SLC25A42: variants seen among roughly 807,000 people sequenced by gnomAD.
SLC25A42 encodes solute carrier family 25 member 42, also known as mitochondrial coenzyme A transporter SLC25A42.
Under a neutral mutation model 34.7 loss-of-function variants are expected in SLC25A42, and 19 were observed. That is an observed-to-expected ratio of 0.55 (90% CI 0.38 to 0.80). SLC25A42 has a LOEUF of 0.80. Among genes scored for constraint, SLC25A42 ranks in the 30% least tolerant of loss-of-function variants. The pLI, the probability that SLC25A42 is intolerant of heterozygous loss-of-function variation, is 0.00. For missense variants in SLC25A42, 364 were observed against 441.3 expected, an observed-to-expected ratio of 0.82 and a Z score of 1.57; for synonymous variants, 205 against 191.2, an observed-to-expected ratio of 1.07 and a Z score of -0.59.
At chr19:19,100,505 TCC>T in intron 2 of SLC25A42, among the ~76,000 whole-genome samples, 1 of 151,846 alleles carries the variant, frequency 6.6e-6, no homozygotes, top group East Asian at 1.9e-4. Flanking sequence ...TCCCCCAGGG[TCC>T]CCTGCTCCTT....
intron 1 of SLC25A42, among the ~76,000 whole-genome samples, chr19:19,067,536 T>A (rs1442464449): frequency 6.6e-6 from 1 of 152,066 alleles, no homozygotes; most frequent in Non-Finnish European, 1.5e-5. Context: ...TGAGCTATGA[T>A]TGCACCATTG....
chr19:19,082,716 A>G (rs905933932), intron 1 of SLC25A42, among the ~76,000 whole-genome samples: 2 of 151,870 alleles, frequency 1.3e-5, no homozygotes, highest in East Asian at 3.9e-4. Flanking sequence ...GCTGGGGTTC[A>G]GTGGTGTGAT....
In SLC25A42 at chr19:19,106,374, C is replaced by G; in HGVS notation, c.486C>G (p.Thr162=). The G allele has an allele frequency of 6.2e-7, 1 of 1,611,844 alleles. No homozygotes were observed. The highest frequency in any genetic ancestry group is 8.5e-7 in the Non-Finnish European group (1 of 1,178,536). The change falls in exon 6 of 8, where the codon ACC becomes ACG. Residue 162 remains threonine, a synonymous_variant. Transcript: ENST00000318596. ...LDLVRARMAV[T]PKEMYSNIFH... ...TGGTCAGAGCGCGGATGGCCGTAACCCCGAAGGAAATGTGAGTCCTTACAT... is the reference window on the plus strand; with the variant it reads ...TGGTCAGAGCGCGGATGGCCGTAACGCCGAAGGAAATGTGAGTCCTTACAT...
Position 19,110,967 on chromosome 19 carries a change from T to A in SLC25A42, c.*91T>A. On this transcript the variant is annotated 3_prime_UTR_variant, in exon 8 of 8. Transcript: ENST00000318596. The stretch of plus-strand genomic sequence containing the variant: ...GTGGGGGGGTGCGCTTGATTCTACT[T>A]CAGGAGGCACATGGGGCGCTTTATG... 6.9e-7 allele frequency: 1 copy of A among 1,442,350 alleles called. No individual in the cohort carries two copies. Among genetic ancestry groups the A allele is most frequent in the Non-Finnish European group, 9.5e-7 (1 of 1,050,672 alleles). 89.3% of individuals were successfully genotyped at this position (1,442,350 alleles called of 1,614,324 possible). A position where few individuals can be genotyped will look rare whatever the true frequency, so the allele number is the denominator to read the frequency against.
At chr19:19,099,871 G>C (rs576121714) in intron 2 of SLC25A42, among the ~76,000 whole-genome samples, 1 of 151,910 alleles carries the variant, frequency 6.6e-6, no homozygotes, top group South Asian at 2.1e-4. Flanking sequence ...AGGATTACAG[G>C]CACCCACCAC....
At position 19,109,165 on chromosome 19, in the gene SLC25A42, G is replaced by C. The variant is rs922601002; in HGVS notation, c.649+1120G>C. Among the ~76,000 whole-genome samples the C allele has an allele frequency of 2.0e-5, 3 of 152,194 alleles. No individual in the cohort carries two copies. The highest frequency in any genetic ancestry group is 4.8e-5 in the African/African-American group (2 of 41,440). On this transcript the variant is annotated intron_variant, in intron 7 of 7. Transcript: ENST00000318596. The surrounding 1 kb of genome is among the most constrained non-coding windows in gnomAD (Gnocchi z 4.1). ...GCAGCTCCCAGCTCAGCTGGTTTGGGGTGCATCCACCAGCATCTGTGCTCT... is the reference window on the plus strand; with the variant it reads ...GCAGCTCCCAGCTCAGCTGGTTTGGCGTGCATCCACCAGCATCTGTGCTCT...
chr19:19,108,119 ACAT>A lies in SLC25A42; in HGVS notation c.649+75_649+77del. Reference sequence around the variant, plus strand: ...TGGGGACAGCAGCTCCACCTGGGTCACATAGACCTGGAGACCAGGCGGAGTGGG... The same window carrying A: ...TGGGGACAGCAGCTCCACCTGGGTCAAGACCTGGAGACCAGGCGGAGTGGG... On this transcript the variant is annotated intron_variant, in intron 7 of 7. Coordinates refer to ENST00000318596, the MANE Select transcript of SLC25A42 (RefSeq NM_178526.5). The A allele has an allele frequency of 8.0e-6, 12 of 1,496,302 alleles. No individual in the cohort carries two copies. The South Asian group carries it at 1.6e-4, about 20-fold the overall frequency. The allele number at this position is 1,496,302 out of a possible 1,614,324, so 92.7% of individuals were successfully genotyped here. A position where few individuals can be genotyped will look rare whatever the true frequency, so the allele number is the denominator to read the frequency against.
intron 2 of SLC25A42, among the ~76,000 whole-genome samples, chr19:19,098,977 G>A (rs887833528): frequency 1.5e-4 from 23 of 152,294 alleles, no homozygotes; most frequent in African/African-American, 5.5e-4. Flanking sequence ...GGAGGAGGTG[G>A]AAGAACTCTG....
chr19:19,107,326 A>AAAC (rs931022214), intron 6 of SLC25A42, among the ~76,000 whole-genome samples: 17 of 151,260 alleles, frequency 1.1e-4, no homozygotes, highest in African/African-American at 4.1e-4. Context: ...CAAAAAAAAA[A>AAAC]AAACAAAAAA....
intron 1 of SLC25A42, among the ~76,000 whole-genome samples, chr19:19,095,412 G>A (rs1474513552): frequency 2.0e-5 from 3 of 151,720 alleles, no homozygotes; most frequent in Non-Finnish European, 1.5e-5. Context: ...TCAGGAGTTC[G>A]AGACTAGCCT....
chr19:19,096,254 T>TCCCCCCCCCCCCCCCCCCCCCCCCCCCC, intron 2 of SLC25A42, 49 bp downstream of exon 2: 1 of 1,456,748 alleles, frequency 6.9e-7, no homozygotes, highest in Non-Finnish European at 9.4e-7. Flanking sequence ...GGCCCCAGCC[T>TCCCCCCCCCCCCCCCCCCCCCCCCCCCC]CCCCACCCCC....
chr19:19,096,254 T>TGGCCCCCCCCCCCCCCCCCCCCCCCC, intron 2 of SLC25A42, 49 bp downstream of exon 2: 7 of 1,456,582 alleles, frequency 4.8e-6, no homozygotes, highest in East Asian at 2.4e-5. Flanking sequence ...GGCCCCAGCC[T>TGGCCCCCCCCCCCCCCCCCCCCCCCC]CCCCACCCCC....
At chr19:19,103,090 TTTTG>T (rs971207312) in intron 3 of SLC25A42, among the ~76,000 whole-genome samples, 16 of 152,064 alleles carry the variant, frequency 1.1e-4, no homozygotes, top group African/African-American at 2.9e-4. Context: ...ATTTATTTAT[TTTTG>T]TTTGTTTGTT....
intron 2 of SLC25A42, among the ~76,000 whole-genome samples, chr19:19,099,367 G>A (rs554581495): frequency 5.1e-4 from 78 of 152,298 alleles, no homozygotes; most frequent in African/African-American, 1.7e-3. Context: ...AGGAGGCTGT[G>A]TTCTGTGGAA....
At chr19:19,073,265 TTGCCTTCCAGGGACCCC>T (rs953463897) in intron 1 of SLC25A42, among the ~76,000 whole-genome samples, 17 of 152,254 alleles carry the variant, frequency 1.1e-4, no homozygotes, top group Admixed American at 4.6e-4. Context: ...ACATGGACCC[TTGCCTTCCAGGGACCCC>T]TGCCTTCCAG....
intron 1 of SLC25A42, among the ~76,000 whole-genome samples, chr19:19,068,083 C>T (rs1422520607): frequency 6.6e-6 from 1 of 152,172 alleles, no homozygotes; most frequent in African/African-American, 2.4e-5. Context: ...TGGCCGGGCA[C>T]AGTGGCTCAC....
intron 3 of SLC25A42, among the ~76,000 whole-genome samples, chr19:19,103,218 C>CACT (rs2059807692): frequency 6.6e-6 from 1 of 152,092 alleles, no homozygotes; most frequent in Non-Finnish European, 1.5e-5. Context: ...CTTAGCCTCC[C>CACT]GAGTAGCTGG....
chr19:19,107,976 G>C lies in SLC25A42; in HGVS notation c.580G>C (p.Val194Leu), dbSNP rs773840865. Residue 194 changes from valine to leucine, a missense_variant, in exon 7 of 8, where the codon GTG (valine) becomes CTG (leucine). Transcript: ENST00000318596. ...KTLYHGFMPT[V>L]LGVIPYAGLS... Reference sequence around the variant, plus strand: ...TCTCTACCATGGATTTATGCCCACCGTGCTGGGGGTCATTCCCTACGCTGG... The same window carrying C: ...TCTCTACCATGGATTTATGCCCACCCTGCTGGGGGTCATTCCCTACGCTGG... 6.2e-7 allele frequency: 1 copy of C among 1,613,274 alleles called. No individual in the cohort carries two copies. Among genetic ancestry groups the C allele is most frequent in the South Asian group, 1.1e-5 (1 of 90,994 alleles).
intron 1 of SLC25A42, 146 bp downstream of exon 1, chr19:19,064,261 A>C (rs1375864062): frequency 7.0e-6 from 1 of 143,688 alleles, no homozygotes; most frequent in Non-Finnish European, 1.5e-5. Flanking sequence ...TACTGCATCC[A>C]GGTTTGAGCC....
Sources: allele counts gnomAD v4.1 joint callset (sites outside exome capture counted in the v4.1 genomes callset), GRCh38; gene constraint gnomAD v4.1.1; non-coding constraint Gnocchi (gnomAD v3.1); transcripts MANE v1.5; gene names NCBI Gene and HGNC (gene_info 2026-07-23, HGNC 2026-07-21).